The following DOCK5 variants were observed in gnomAD, a reference collection of about 807,000 sequenced individuals.
DOCK5 encodes the protein dedicator of cytokinesis 5, also known as dedicator of cytokinesis protein 5.
Under a neutral mutation model 251.8 loss-of-function variants are expected in DOCK5, and 142 were observed. That is an observed-to-expected ratio of 0.56 (90% confidence interval 0.49 to 0.65). DOCK5 has a LOEUF of 0.65. Among genes scored for constraint, DOCK5 ranks in the 30% least tolerant of loss-of-function variants. The pLI, the probability that DOCK5 is intolerant of heterozygous loss-of-function variation, is 0.00. For missense variants in DOCK5, 2,111 were observed against 2,312.3 expected, an observed-to-expected ratio of 0.91 and a Z score of 1.79; for synonymous variants, 842 against 835.5, an observed-to-expected ratio of 1.01 and a Z score of -0.13.
intron 34 of DOCK5, 141 bp from the exon 35 acceptor site, chr8:25,372,418 G>A: frequency 1.3e-6 from 1 of 765,470 alleles, no homozygotes; most frequent in South Asian, 2.4e-5. Flanking sequence ...CGGCTTAACT[G>A]TGTCACTTAA....
At chr8:25,339,774 G>C (rs1429804048) in intron 22 of DOCK5, among the ~76,000 whole-genome samples, 1 of 152,178 alleles carries the variant, frequency 6.6e-6, no homozygotes, top group African/African-American at 2.4e-5. Context: ...TGAGGAGCTT[G>C]GATTTTATTC....
chr8:25,377,563 T>C, intron 38 of DOCK5, 139 bp downstream of exon 38: 1 of 1,142,558 alleles, frequency 8.8e-7, no homozygotes, highest in Non-Finnish European at 1.2e-6. Context: ...CTGCCCCCGC[T>C]TCAGATGCCA....
intron 44 of DOCK5, among the ~76,000 whole-genome samples, chr8:25,393,289 C>T (rs954258): frequency 0.53 from 81,074 of 152,008 alleles, 23,493 homozygotes; most frequent in Non-Finnish European, 0.63. Flanking sequence ...CGCCCAAAAG[C>T]TGCTTATTTT....
At chr8:25,351,876 C>T (rs2117250391) in intron 27 of DOCK5, 50 bp downstream of exon 27, 1 of 1,546,564 alleles carries the variant, frequency 6.5e-7, no homozygotes, top group Non-Finnish European at 8.9e-7. Flanking sequence ...TCTCTGTCCC[C>T]TTTGCCTATC....
intron 1 of DOCK5, among the ~76,000 whole-genome samples, chr8:25,238,318 C>T (rs570646082): frequency 1.3e-5 from 2 of 152,120 alleles, no homozygotes; most frequent in African/African-American, 4.8e-5. Flanking sequence ...TCTCAGCTTC[C>T]GCATTAAATA....
chr8:25,377,041 GC>G lies in DOCK5; in HGVS notation c.3817-260del, dbSNP rs372586705. Among the ~76,000 whole-genome samples the G allele has an allele frequency of 3.6e-3, 554 of 152,216 alleles. 1 individual carries two copies. The highest frequency in any genetic ancestry group is 6.0e-3 in the Non-Finnish European group (410 of 68,018). On this transcript the variant is annotated intron_variant, in intron 37 of 51. Coordinates refer to ENST00000276440, the MANE Select transcript of DOCK5 (RefSeq NM_024940.8). ...CCTTTTATCTGACTGTGTTACTGAT[GC>G]CCCAGTACAACGACAGTCATGTCAG...
Position 25,384,463 on chromosome 8 carries a change from A to ATTTATTTTTT in DOCK5, c.4131+1688_4131+1689insATTTTTTTTT, listed in dbSNP as rs1400363524. ...TATTTATTTATTTATTTATTTATTT[A>ATTTATTTTTT]TTTTTTTTTTTTTTGAGACAGTGTC... On this transcript the variant is annotated intron_variant, in intron 40 of 51. Coordinates refer to ENST00000276440, the MANE Select transcript of DOCK5 (RefSeq NM_024940.8). Among the ~76,000 whole-genome samples the ATTTATTTTTT allele has an allele frequency of 1.4e-4, 19 of 135,700 alleles. No homozygotes were observed. The South Asian group carries it at 4.4e-3, about 32-fold the overall frequency. The allele number at this position is 135,700 out of a possible 152,430, so 89.0% of individuals were successfully genotyped here.
At position 25,210,066 on chromosome 8, in the gene DOCK5, GTGTATCTGTCTATT is replaced by G. The variant is rs1363450825; in HGVS notation, c.43+25117_43+25130del. On this transcript the variant is annotated intron_variant, in intron 1 of 51. Coordinates refer to ENST00000276440, the MANE Select transcript of DOCK5 (RefSeq NM_024940.8). Reference sequence around the variant, plus strand: ...TGTGTGTGTGTGTGTGTGTGTGTGTGTGTATCTGTCTATTTATCTATCTATCTATCTATCTATCT... The same window carrying G: ...TGTGTGTGTGTGTGTGTGTGTGTGTGTATCTATCTATCTATCTATCTATCT... 6.6e-4 allele frequency among the ~76,000 whole-genome samples: 16 copies of G among 24,162 alleles called. 4 individuals carry two copies. Among genetic ancestry groups the G allele is most frequent in the African/African-American group, 2.1e-3 (16 of 7,652 alleles). 15.9% of individuals were successfully genotyped at this position (24,162 alleles called of 152,430 possible).
intron 1 of DOCK5, among the ~76,000 whole-genome samples, chr8:25,204,428 A>G (rs1801951090): frequency 6.6e-6 from 1 of 152,168 alleles, no homozygotes; most frequent in East Asian, 1.9e-4. Context: ...TTCCATCTGC[A>G]AAACAGAGAT....
intron 1 of DOCK5, among the ~76,000 whole-genome samples, chr8:25,228,374 T>A (rs762934524): frequency 2.6e-5 from 4 of 152,214 alleles, no homozygotes; most frequent in Non-Finnish European, 5.9e-5. Context: ...GGTTCTTGGC[T>A]TCACTTAGGA....
chr8:25,395,884 T>C, intron 45 of DOCK5, 165 bp downstream of exon 45: 13 of 903,520 alleles, frequency 1.4e-5, no homozygotes, highest in Non-Finnish European at 2.1e-5. Context: ...CCCTGACTTC[T>C]TAGAGACTAT....
rs34848634 is a variant in DOCK5 at position 25,300,197 on chromosome 8, C to T, written c.765-379C>T. ...CTGGGATTACAGGCGTGAGCCACTG[C>T]GCCCTGCCTAAAATTAAATTATTAA... On this transcript the variant is annotated intron_variant, in intron 8 of 51. Transcript: ENST00000276440. Among the ~76,000 whole-genome samples the T allele has an allele frequency of 8.0e-3, 1,219 of 152,330 alleles. 8 individuals are homozygous for T. Among genetic ancestry groups the T allele is most frequent in the Non-Finnish European group, 0.012 (843 of 68,032 alleles).
chr8:25,299,009 C>T lies in DOCK5; in HGVS notation c.672C>T (p.Leu224=). The change falls in exon 8 of 52, where the codon CTC becomes CTT. Residue 224 remains leucine (L), a synonymous_variant. Transcript: ENST00000276440. ...TCAGTACCATCCACACCTATGGCCT[C>T]TATGTGAACTTCAAGAACTTTGTCT... ...SIFSTIHTYG[L]YVNFKNFVCN... The T allele has an allele frequency of 6.2e-7, 1 of 1,613,916 alleles. No homozygotes were observed. The highest frequency in any genetic ancestry group is 8.5e-7 in the Non-Finnish European group (1 of 1,179,874).
chr8:25,278,520 C>A, intron 4 of DOCK5, 49 bp from the exon 5 acceptor site: 1 of 1,551,970 alleles, frequency 6.4e-7, no homozygotes, highest in Non-Finnish European at 8.9e-7. Flanking sequence ...TCAAGTAAAG[C>A]AGTGCTGATC....
chr8:25,214,036 G>A (rs1275373000), intron 1 of DOCK5, among the ~76,000 whole-genome samples: 1 of 152,198 alleles, frequency 6.6e-6, no homozygotes, highest in Non-Finnish European at 1.5e-5. Flanking sequence ...CCTTATGCAC[G>A]TAGCCTGAAG....
At chr8:25,249,629 C>T (rs955673214) in intron 2 of DOCK5, among the ~76,000 whole-genome samples, 3 of 152,182 alleles carry the variant, frequency 2.0e-5, no homozygotes, top group East Asian at 3.9e-4. Flanking sequence ...CTCTGTTGGT[C>T]AGGCTGGAGT....
At chr8:25,371,293 A>G (rs1800868361) in intron 34 of DOCK5, among the ~76,000 whole-genome samples, 1 of 152,042 alleles carries the variant, frequency 6.6e-6, no homozygotes, top group African/African-American at 2.4e-5. Flanking sequence ...CTCGTGATCC[A>G]CCTGCCTCGG....
chr8:25,317,951 T>C (rs1805302790), intron 14 of DOCK5, among the ~76,000 whole-genome samples: 1 of 152,176 alleles, frequency 6.6e-6, no homozygotes, highest in Non-Finnish European at 1.5e-5. Context: ...TAAGAAACTT[T>C]AAAAGGATGA....
intron 20 of DOCK5, 64 bp from the exon 21 acceptor site, chr8:25,334,032 C>T (rs139275990): frequency 3.8e-5 from 47 of 1,249,118 alleles, no homozygotes; most frequent in East Asian, 3.5e-4. Flanking sequence ...TGTTAAAATG[C>T]GGCTTGTTGA....
Sources: gnomAD v4.1 joint callset for allele counts (sites outside exome capture counted in the v4.1 genomes callset) on GRCh38, gnomAD v4.1.1 for gene constraint, MANE v1.5 for transcripts, NCBI Gene and HGNC (gene_info 2026-07-23, HGNC 2026-07-21) for gene names.